The following ZNF385D variants were observed in gnomAD, a reference collection of about 807,000 sequenced individuals.
ZNF385D encodes the protein zinc finger protein 385D, also known as zinc finger protein 659.
ZNF385D carries 15 observed loss-of-function variants against 35.8 expected under a neutral mutation model. The observed-to-expected ratio is 0.42, with a 90% CI of 0.28 to 0.64. The LOEUF is 0.64. ZNF385D is among the 30% of genes least tolerant of loss of function. ZNF385D has a pLI of 0.23. For synonymous variants in ZNF385D, 212 were observed against 186.8 expected, an observed-to-expected ratio of 1.13 and a Z score of -1.10; for missense variants, 474 against 494.6, an observed-to-expected ratio of 0.96 and a Z score of 0.39.
intron 3 of ZNF385D, among the ~76,000 whole-genome samples, chr3:21,555,029 A>C (rs1334494241): frequency 1.3e-5 from 2 of 152,172 alleles, no homozygotes; most frequent in African/African-American, 4.8e-5. Flanking sequence ...AGTACATCTA[A>C]TTACCTTCAA....
chr3:21,684,365 C>CCTCTCTCTCTCT (rs373105142), intron 1 of ZNF385D, among the ~76,000 whole-genome samples: 9 of 73,364 alleles, frequency 1.2e-4, no homozygotes, highest in South Asian at 6.3e-4. Flanking sequence ...TAACTGTTCT[C>CCTCTCTCTCTCT]CTCTCTCTCT....
chr3:21,975,702 AATATATATATATATAT>A lies in ZNF385D; in HGVS notation c.325+193099_325+193114del, dbSNP rs56303677. On this transcript the variant is annotated intron_variant, in intron 3 of 5. Coordinates refer to the ZNF385D transcript ENST00000494108. ...ATATATACCTATTATGTACCCACGAAATATATATATATATATATATATATATATATATATATATATA... is the reference window on the plus strand; with the variant it reads ...ATATATACCTATTATGTACCCACGAAATATATATATATATATATATATATA... 3.3e-3 allele frequency among the ~76,000 whole-genome samples: 406 copies of A among 124,010 alleles called. 1 individual carries two copies. Among genetic ancestry groups the A allele is most frequent in the East Asian group, 0.018 (60 of 3,418 alleles). 81.4% of individuals were successfully genotyped at this position (124,010 alleles called of 152,430 possible).
chr3:21,887,718 C>A (rs1698620887), intron 3 of ZNF385D, among the ~76,000 whole-genome samples: 1 of 152,096 alleles, frequency 6.6e-6, no homozygotes, highest in South Asian at 2.1e-4. Flanking sequence ...TAAAATCAGA[C>A]AACAAAGTGT....
intron 3 of ZNF385D, among the ~76,000 whole-genome samples, chr3:21,546,217 C>T (rs2062366397): frequency 6.6e-6 from 1 of 152,118 alleles, no homozygotes; most frequent in African/African-American, 2.4e-5. Flanking sequence ...GTTCCTGTGA[C>T]CCTACCAGCA....
At chr3:22,040,967 A>C (rs1017995001) in intron 3 of ZNF385D, among the ~76,000 whole-genome samples, 1 of 152,072 alleles carries the variant, frequency 6.6e-6, no homozygotes, top group Non-Finnish European at 1.5e-5. Context: ...TCAGTGTACA[A>C]TTCAGTGGTT....
chr3:22,085,442 A>G (rs1293517504), intron 3 of ZNF385D, among the ~76,000 whole-genome samples: 1 of 152,234 alleles, frequency 6.6e-6, no homozygotes, highest in Non-Finnish European at 1.5e-5. Context: ...AGAATACTAT[A>G]AACACCTCCA....
chr3:21,605,450 C>T (rs981851472), intron 2 of ZNF385D, among the ~76,000 whole-genome samples: 3 of 152,154 alleles, frequency 2.0e-5, no homozygotes, highest in South Asian at 2.1e-4. Context: ...CCTGACCACA[C>T]GCAGGACCTC....
At chr3:21,670,506 C>T (rs2066533577) in intron 1 of ZNF385D, among the ~76,000 whole-genome samples, 1 of 151,584 alleles carries the variant, frequency 6.6e-6, no homozygotes, top group Non-Finnish European at 1.5e-5. Flanking sequence ...TTGCTATGTC[C>T]ACCGGGCAAG....
At chr3:21,825,350 G>A (rs1159089589) in intron 3 of ZNF385D, among the ~76,000 whole-genome samples, 4 of 152,052 alleles carry the variant, frequency 2.6e-5, no homozygotes, top group African/African-American at 9.7e-5. Context: ...TGAATACACG[G>A]TATTTTGTAT....
chr3:21,823,869 G>C (rs991758337), intron 3 of ZNF385D, among the ~76,000 whole-genome samples: 10 of 152,140 alleles, frequency 6.6e-5, no homozygotes, highest in Non-Finnish European at 1.3e-4. Flanking sequence ...CCATTGCTTA[G>C]GTTTATTGAA....
chr3:21,823,411 C>T (rs1020102080), intron 3 of ZNF385D, among the ~76,000 whole-genome samples: 1 of 150,542 alleles, frequency 6.6e-6, no homozygotes, highest in Non-Finnish European at 1.5e-5. Flanking sequence ...ATGTCCAGTG[C>T]ATGTGTATGC....
At chr3:22,042,363 A>G (rs1698718839) in intron 3 of ZNF385D, among the ~76,000 whole-genome samples, 1 of 152,078 alleles carries the variant, frequency 6.6e-6, no homozygotes, top group African/African-American at 2.4e-5. Flanking sequence ...TTATTACTAT[A>G]CAGTTGACGA....
At chr3:21,979,092 T>G (rs1008033531) in intron 3 of ZNF385D, among the ~76,000 whole-genome samples, 2 of 152,218 alleles carry the variant, frequency 1.3e-5, no homozygotes, top group East Asian at 1.9e-4. Flanking sequence ...CTCCAGTACA[T>G]GCCAATTTTT....
At chr3:22,230,128 G>A (rs915666746) in intron 2 of ZNF385D, among the ~76,000 whole-genome samples, 2 of 152,118 alleles carry the variant, frequency 1.3e-5, no homozygotes, top group Non-Finnish European at 2.9e-5. Flanking sequence ...TTCACCACTA[G>A]GATGGTTTTT....
intron 3 of ZNF385D, among the ~76,000 whole-genome samples, chr3:22,027,050 G>A (rs1195061332): frequency 6.6e-6 from 1 of 152,118 alleles, no homozygotes; most frequent in Non-Finnish European, 1.5e-5. Flanking sequence ...CTCCATTCCT[G>A]TCCATAAGGC....
At chr3:22,282,022 G>A (rs911465419) in intron 2 of ZNF385D, among the ~76,000 whole-genome samples, 1 of 151,964 alleles carries the variant, frequency 6.6e-6, no homozygotes, top group Non-Finnish European at 1.5e-5. Flanking sequence ...AAGTTTTCTA[G>A]TTTATGCGTG....
chr3:22,347,739 A>T (rs767653875), intron 2 of ZNF385D, among the ~76,000 whole-genome samples: 1 of 152,206 alleles, frequency 6.6e-6, no homozygotes, highest in Non-Finnish European at 1.5e-5. Context: ...AATGGAAGAA[A>T]ATCTCAGCTA....
intron 2 of ZNF385D, among the ~76,000 whole-genome samples, chr3:21,592,806 A>C (rs1165545888): frequency 2.0e-5 from 3 of 152,200 alleles, no homozygotes; most frequent in Non-Finnish European, 4.4e-5. Context: ...TCTGTCAAAC[A>C]AAGTACAAAA....
chr3:21,918,569 C>G (rs1030905162), intron 3 of ZNF385D, among the ~76,000 whole-genome samples: 8 of 152,054 alleles, frequency 5.3e-5, no homozygotes, highest in Non-Finnish European at 1.0e-4. Flanking sequence ...CATTAATAAT[C>G]ATGTCAATAG....
Sources: allele counts gnomAD v4.1 joint callset (sites outside exome capture counted in the v4.1 genomes callset), GRCh38; gene constraint gnomAD v4.1.1; transcripts MANE v1.5; gene names NCBI Gene and HGNC (gene_info 2026-07-23, HGNC 2026-07-21).